The following DPYD variants were observed in gnomAD, a reference collection of about 807,000 sequenced individuals.
DPYD encodes the protein dihydropyrimidine dehydrogenase, also known as dihydropyrimidine dehydrogenase [NADP(+)].
In DPYD, 109 loss-of-function variants were observed where a neutral mutation model predicts 116.2. That is an observed-to-expected ratio of 0.94 (90% CI 0.80 to 1.10). The LOEUF (loss-of-function observed/expected upper bound fraction) is 1.10. DPYD is among the 50% of genes least tolerant of loss of function. The pLI is 0.00. For missense variants in DPYD, 1,302 were observed against 1,254.5 expected (o/e 1.04, Z -0.57); for synonymous variants, 440 against 432.0 (o/e 1.02, Z -0.23).
chr1:97,196,363 A>C (rs572324091), intron 19 of DPYD, among the ~76,000 whole-genome samples: 71 of 152,202 alleles, frequency 4.7e-4, no homozygotes, highest in African/African-American at 1.4e-3. Context: ...CAATCCGCCC[A>C]CCTGGCCTCC....
Position 97,393,450 on chromosome 1 carries a change from C to A in DPYD, c.1906-10989G>T, listed in dbSNP as rs554203293. Among the ~76,000 whole-genome samples the A allele has an allele frequency of 5.9e-5, 9 of 151,990 alleles. No individual in the cohort carries two copies. The East Asian group carries it at 1.7e-3, about 30-fold the overall frequency. ...TAATGCTATCCCTCCCCACTCCCCCCACCCCACAACAGGCCCCGGTGTGTG... is the reference window on the plus strand; with the variant it reads ...TAATGCTATCCCTCCCCACTCCCCCAACCCCACAACAGGCCCCGGTGTGTG... On this transcript the variant is annotated intron_variant, in intron 14 of 22. Transcript: ENST00000370192.
chr1:97,846,105 C>T (rs951443367), intron 2 of DPYD, among the ~76,000 whole-genome samples: 1 of 152,146 alleles, frequency 6.6e-6, no homozygotes, highest in African/African-American at 2.4e-5. Context: ...GCCGAGTGGG[C>T]AGAATGAGCC....
At chr1:97,420,939 A>AAGG (rs1674548964) in intron 14 of DPYD, among the ~76,000 whole-genome samples, 1 of 152,198 alleles carries the variant, frequency 6.6e-6, no homozygotes, top group South Asian at 2.1e-4. Flanking sequence ...TCATCTGCAC[A>AAGG]TAGTTTTCTG....
At chr1:97,376,322 C>G (rs956202046) in intron 15 of DPYD, among the ~76,000 whole-genome samples, 6 of 152,172 alleles carry the variant, frequency 3.9e-5, no homozygotes, top group African/African-American at 1.2e-4. Flanking sequence ...AATATCCTTA[C>G]AGCTTCCAAG....
At chr1:97,829,608 T>C (rs1027307928) in intron 2 of DPYD, among the ~76,000 whole-genome samples, 7 of 152,140 alleles carry the variant, frequency 4.6e-5, no homozygotes, top group Non-Finnish European at 5.9e-5. Context: ...TTTAAGAAAT[T>C]TAAAAACTTT....
At chr1:97,361,391 A>G (rs1270896645) in intron 16 of DPYD, among the ~76,000 whole-genome samples, 1 of 152,256 alleles carries the variant, frequency 6.6e-6, no homozygotes, top group Non-Finnish European at 1.5e-5. Flanking sequence ...AGGAGTTGAT[A>G]CCATTCCTTC....
rs187713395 is a variant in DPYD, at chr1:97,373,580, A to G, written c.2039T>C (p.Met680Thr). The part of the protein sequence containing the change: ...SCPHGMGERG[M>T]GLACGQDPEL... ...CCTTACCTGCCCACAGGCCAGGCCC[A>G]TTCCTCTTTCTCCCATGCCATGTGG... The change falls in exon 16 of 23, where the codon ATG (methionine) becomes ACG (threonine). Residue 680 changes from methionine to threonine, a missense_variant. By Grantham distance (81) the Met-to-Thr change is moderately conservative. Transcript: ENST00000370192. 6.2e-7 allele frequency: 1 copy of G among 1,613,848 alleles called. No homozygotes were observed. Among genetic ancestry groups the G allele is most frequent in the Admixed American group, 1.7e-5 (1 of 60,000 alleles).
chr1:97,294,589 G>T (rs74104340), intron 18 of DPYD, among the ~76,000 whole-genome samples: 159 of 152,258 alleles, frequency 1.0e-3, no homozygotes, highest in African/African-American at 3.8e-3. Context: ...CAGGAACACA[G>T]GTATTTGTAA....
intron 14 of DPYD, 115 bp downstream of exon 14, chr1:97,449,944 A>G: frequency 7.4e-7 from 1 of 1,353,334 alleles, no homozygotes; most frequent in East Asian, 2.5e-5. Context: ...AGCAACTGGC[A>G]GATTCTTTAA....
chr1:97,676,138 T>A (rs1660132307), intron 8 of DPYD, among the ~76,000 whole-genome samples: 1 of 152,096 alleles, frequency 6.6e-6, no homozygotes, highest in Admixed American at 6.6e-5. Context: ...ACTTTACTGA[T>A]CTCCTGTGTC....
intron 14 of DPYD, among the ~76,000 whole-genome samples, chr1:97,404,493 A>T (rs184665763): frequency 1.1e-4 from 16 of 152,170 alleles, no homozygotes; most frequent in Admixed American, 4.6e-4. Flanking sequence ...CACGTTAAAG[A>T]TTCTTATGTC....
At chr1:97,218,225 C>T (rs1660544874) in intron 19 of DPYD, among the ~76,000 whole-genome samples, 2 of 151,986 alleles carry the variant, frequency 1.3e-5, no homozygotes, top group Admixed American at 1.3e-4. Context: ...CATTAAAAGT[C>T]CAGAGTTCAC....
chr1:97,865,512 CT>C (rs1218206586), intron 2 of DPYD, among the ~76,000 whole-genome samples: 1 of 151,912 alleles, frequency 6.6e-6, no homozygotes, highest in Non-Finnish European at 1.5e-5. Context: ...CTTATTGCAT[CT>C]TGTTCTGTTC....
intron 2 of DPYD, among the ~76,000 whole-genome samples, chr1:97,876,576 A>G (rs1201789990): frequency 1.3e-5 from 2 of 152,008 alleles, no homozygotes; most frequent in South Asian, 4.1e-4. Context: ...CTTGCTGGAT[A>G]GAGGGCAGGA....
intron 13 of DPYD, among the ~76,000 whole-genome samples, chr1:97,479,436 G>A (rs1678176041): frequency 6.6e-6 from 1 of 152,132 alleles, no homozygotes; most frequent in South Asian, 2.1e-4. Flanking sequence ...GCAACCAGAA[G>A]ACACACAACA....
At chr1:97,111,154 C>T (rs1240040249) in intron 20 of DPYD, among the ~76,000 whole-genome samples, 1 of 152,120 alleles carries the variant, frequency 6.6e-6, no homozygotes, top group Non-Finnish European at 1.5e-5. Context: ...TCAATTGCCT[C>T]ATCCTTGGGC....
At chr1:97,225,001 C>A (rs1188885064) in intron 19 of DPYD, among the ~76,000 whole-genome samples, 3 of 96,082 alleles carry the variant, frequency 3.1e-5, no homozygotes, top group African/African-American at 1.7e-4. Flanking sequence ...ATCTGTCTGT[C>A]TGTCTATCTA....
intron 2 of DPYD, among the ~76,000 whole-genome samples, chr1:97,851,896 G>A (rs576201376): frequency 4.0e-5 from 6 of 151,610 alleles, no homozygotes; most frequent in South Asian, 2.1e-4. Flanking sequence ...CTTTGAACCA[G>A]GCAGAAAGTG....
intron 14 of DPYD, among the ~76,000 whole-genome samples, chr1:97,436,844 C>T (rs371953596): frequency 6.6e-6 from 1 of 151,818 alleles, no homozygotes; most frequent in South Asian, 2.1e-4. Flanking sequence ...TGACTGGTAA[C>T]TTGAAGAGTT....
Sources: gnomAD v4.1 joint callset for allele counts (sites outside exome capture counted in the v4.1 genomes callset) on GRCh38, gnomAD v4.1.1 for gene constraint, MANE v1.5 for transcripts, NCBI Gene and HGNC (gene_info 2026-07-23, HGNC 2026-07-21) for gene names.